The following PALM2AKAP2 variants were observed in gnomAD, a reference collection of about 807,000 sequenced individuals.
PALM2AKAP2 encodes PALM2 and AKAP2 fusion.
A neutral mutation model predicts 71.5 loss-of-function variants in PALM2AKAP2; 37 were observed. The ratio of observed to expected loss-of-function variants is 0.52; its 90% CI spans 0.40 to 0.68. The LOEUF (loss-of-function observed/expected upper bound fraction) is 0.68, where lower values mean the gene tolerates loss of function less well. PALM2AKAP2 is among the 30% of genes least tolerant of loss of function. The pLI is 0.00. For synonymous variants in PALM2AKAP2, 468 were observed against 478.8 expected (o/e 0.98, Z 0.29); for missense variants, 1,224 against 1,191.8 (o/e 1.03, Z -0.40).
chr9:109,941,099 T>C (rs1030997143), intron 6 of PALM2AKAP2, among the ~76,000 whole-genome samples: 3 of 151,976 alleles, frequency 2.0e-5, no homozygotes, highest in Non-Finnish European at 4.4e-5. Context: ...TCCTCTTCTT[T>C]TTTCTTCCTT....
At chr9:110,073,442 CTT>C (rs1391879523) in intron 1 of PALM2AKAP2, among the ~76,000 whole-genome samples, 1 of 152,280 alleles carries the variant, frequency 6.6e-6, no homozygotes, top group South Asian at 2.1e-4. Context: ...ACTTGACACT[CTT>C]TGGATCACAT....
chr9:109,941,344 G>A (rs1831361415), intron 6 of PALM2AKAP2, among the ~76,000 whole-genome samples: 1 of 152,128 alleles, frequency 6.6e-6, no homozygotes, highest in Non-Finnish European at 1.5e-5. Context: ...GAGCAGAGGA[G>A]GGCCTGGACT....
chr9:109,719,462 C>T (rs1828374123), intron 1 of PALM2AKAP2, among the ~76,000 whole-genome samples: 1 of 152,158 alleles, frequency 6.6e-6, no homozygotes, highest in South Asian at 2.1e-4. Flanking sequence ...CTCAAGATTT[C>T]CCCAAATTCT....
chr9:109,801,486 C>G (rs1005934463), intron 1 of PALM2AKAP2, among the ~76,000 whole-genome samples: 3 of 152,192 alleles, frequency 2.0e-5, no homozygotes, highest in African/African-American at 7.2e-5. Flanking sequence ...AACACAGATT[C>G]ATTCGATAAA....
intron 7 of PALM2AKAP2, among the ~76,000 whole-genome samples, chr9:110,032,465 G>A (rs1468088109): frequency 6.6e-6 from 1 of 152,032 alleles, no homozygotes; most frequent in African/African-American, 2.4e-5. Flanking sequence ...GGCTGAGGCG[G>A]GCAGATCACG....
intron 6 of PALM2AKAP2, among the ~76,000 whole-genome samples, chr9:109,947,802 AT>A (rs1831545747): frequency 6.6e-6 from 1 of 152,176 alleles, no homozygotes. Flanking sequence ...TTCACATTGC[AT>A]TTTTGCCACA....
At chr9:109,935,986 C>A (rs78314352) in intron 6 of PALM2AKAP2, among the ~76,000 whole-genome samples, 2,019 of 152,314 alleles carry the variant, frequency 0.013, 42 homozygotes, top group African/African-American at 0.046. Context: ...TATTATCCAT[C>A]AACATCACAC....
At chr9:110,037,145 G>A (rs1050709172) in intron 7 of PALM2AKAP2, among the ~76,000 whole-genome samples, 3 of 149,716 alleles carry the variant, frequency 2.0e-5, no homozygotes, top group Non-Finnish European at 4.4e-5. Flanking sequence ...GCCATATTAG[G>A]TTGTAAGCTA....
intron 6 of PALM2AKAP2, among the ~76,000 whole-genome samples, chr9:109,983,073 G>A (rs546139375): frequency 2.0e-5 from 3 of 152,278 alleles, no homozygotes; most frequent in African/African-American, 7.2e-5. Flanking sequence ...TACTTCAAAA[G>A]TTTCCCCTAA....
At position 109,764,925 on chromosome 9, in the gene PALM2AKAP2, T is replaced by A. The variant is rs978757461; in HGVS notation, c.6-15563T>A. Among the ~76,000 whole-genome samples the A allele has an allele frequency of 2.6e-5, 4 of 152,178 alleles. No individual in the cohort carries two copies. The South Asian group carries it at 8.3e-4, about 32-fold the overall frequency. Reference sequence around the variant, plus strand: ...GTGATGAGAAGACCTGAGCAGTTATTAGTGAGGAAGGAATGTGGATACTCA... The same window carrying A: ...GTGATGAGAAGACCTGAGCAGTTATAAGTGAGGAAGGAATGTGGATACTCA... On this transcript the variant is annotated intron_variant, in intron 1 of 6. Transcript: ENST00000374531.
rs188768433 is a variant in PALM2AKAP2, at chr9:109,913,817, C to G, written c.258-9918C>G. 9.8e-3 allele frequency among the ~76,000 whole-genome samples: 1,402 copies of G among 143,776 alleles called. 22 individuals carry two copies. Among genetic ancestry groups the G allele is most frequent in the African/African-American group, 0.035 (1,345 of 38,396 alleles). 94.3% of individuals were successfully genotyped at this position (143,776 alleles called of 152,430 possible). A position where few individuals can be genotyped will look rare whatever the true frequency, so the allele number is the denominator to read the frequency against. On this transcript the variant is annotated intron_variant, in intron 3 of 9. Transcript: ENST00000302798. ...TGTTGCCCAGGCTGGAGTGCAGTGG[C>G]GCAATCTCGGCTCACTGCAAGCTCC...
exon 1 of PALM2AKAP2, chr9:109,640,831 G>T (rs765704966): frequency 6.6e-7 from 1 of 1,515,806 alleles, no homozygotes; most frequent in Admixed American, 2.0e-5. Flanking sequence ...GGTGAGCCCC[G>T]CAGCAGCGCA....
chr9:110,080,622 C>G (rs771490624), intron 1 of PALM2AKAP2, among the ~76,000 whole-genome samples: 12 of 152,132 alleles, frequency 7.9e-5, no homozygotes, highest in African/African-American at 1.2e-4. Flanking sequence ...TCTATAAAAG[C>G]TGTGCCCATT....
In PALM2AKAP2 at chr9:109,756,315, C is replaced by A. The variant is rs183916469; in HGVS notation, c.6-24173C>A. Among the ~76,000 whole-genome samples the A allele has an allele frequency of 2.0e-3, 305 of 152,194 alleles. 4 individuals are homozygous for A. The highest frequency in any genetic ancestry group is 7.1e-3 in the African/African-American group (294 of 41,560). Reference sequence around the variant, plus strand: ...GAACATTTCTCTCGTGTCTGTTTGCCATAGGTATTTATTTGTATGTGAATG... The same window carrying A: ...GAACATTTCTCTCGTGTCTGTTTGCAATAGGTATTTATTTGTATGTGAATG... On this transcript the variant is annotated intron_variant, in intron 1 of 6. Coordinates refer to the PALM2AKAP2 transcript ENST00000374531.
chr9:110,161,438 A>G (rs1443419114), intron 3 of PALM2AKAP2, among the ~76,000 whole-genome samples: 1 of 152,148 alleles, frequency 6.6e-6, no homozygotes, highest in Non-Finnish European at 1.5e-5. Context: ...AGTCCCCTAT[A>G]GGAACTAAAG....
At chr9:110,137,462 A>T in exon 2 of PALM2AKAP2, 1 of 1,614,106 alleles carries the variant, frequency 6.2e-7, no homozygotes, top group East Asian at 2.2e-5. Context: ...CCAGGGCAAC[A>T]CAGCCTCTCA....
intron 1 of PALM2AKAP2, among the ~76,000 whole-genome samples, chr9:109,704,661 T>C (rs1828114301): frequency 6.6e-6 from 1 of 152,184 alleles, no homozygotes. Context: ...CTTTCACCTG[T>C]TGGTGTCATT....
intron 3 of PALM2AKAP2, among the ~76,000 whole-genome samples, chr9:109,898,832 G>A (rs1830264553): frequency 1.3e-5 from 2 of 152,092 alleles, no homozygotes; most frequent in South Asian, 4.1e-4. Flanking sequence ...ACTATTTAGG[G>A]GCTAAGTGCA....
intron 6 of PALM2AKAP2, among the ~76,000 whole-genome samples, chr9:109,996,396 T>C (rs1832575973): frequency 6.6e-6 from 1 of 152,198 alleles, no homozygotes; most frequent in African/African-American, 2.4e-5. Flanking sequence ...AAAGGAACAG[T>C]CCCTTGAACT....
Sources: allele counts gnomAD v4.1 joint callset (sites outside exome capture counted in the v4.1 genomes callset), GRCh38; gene constraint gnomAD v4.1.1; transcripts MANE v1.5; gene names NCBI Gene and HGNC (gene_info 2026-07-23, HGNC 2026-07-21).